The following PLPP7 variants were observed in gnomAD, a reference collection of about 807,000 sequenced individuals.
PLPP7 encodes inactive phospholipid phosphatase 7.
A neutral mutation model predicts 16.9 loss-of-function variants in PLPP7; 11 were observed. The ratio of observed to expected loss-of-function variants is 0.65; its 90% CI spans 0.41 to 1.08. PLPP7 has a LOEUF of 1.08. PLPP7 is among the 50% of genes least tolerant of loss of function. The pLI, the probability that PLPP7 is intolerant of heterozygous loss-of-function variation, is 0.00. For missense variants in PLPP7, 358 were observed against 397.1 expected (o/e 0.90, Z 0.84); for synonymous variants, 174 against 175.1 (o/e 0.99, Z 0.05).
In PLPP7 at chr9:131,308,507, G is replaced by T; in HGVS notation, c.*220G>T. ...GCCAGGCCTCTTGCCCCTTTGCTTG[G>T]ACTCCAAGTCTCCTCTCTAGGCAGC... On this transcript the variant is annotated 3_prime_UTR_variant, in exon 2 of 2. Transcript: ENST00000372264. 1 of 753,398 alleles carries T rather than the reference G, an allele frequency of 1.3e-6. No homozygotes were observed. The highest frequency in any genetic ancestry group is 2.1e-6 in the Non-Finnish European group (1 of 482,366). 46.7% of individuals were successfully genotyped at this position (753,398 alleles called of 1,614,324 possible). A position where few individuals can be genotyped will look rare whatever the true frequency, so the allele number is the denominator to read the frequency against.
Position 131,290,375 on chromosome 9 carries a change from C to A in PLPP7, c.378C>A (p.Ile126=). ...IGITGHGIPW[I]GGTILCLVKS... is the part of the protein sequence containing the mutation. ...TCACGGGCCACGGCATCCCCTGGAT[C>A]GGAGGCACCATCCTCTGCCTGGTGA... Residue 126 remains isoleucine (I), a synonymous_variant, in exon 1 of 2, where the codon ATC becomes ATA. Coordinates refer to ENST00000372264, the MANE Select transcript of PLPP7 (RefSeq NM_032728.4). The surrounding 1 kb of genome is among the most constrained non-coding windows in gnomAD (Gnocchi z 4.2). The A allele has an allele frequency of 6.2e-7, 1 of 1,604,492 alleles. No individual in the cohort carries two copies. Among genetic ancestry groups the A allele is most frequent in the Non-Finnish European group, 8.5e-7 (1 of 1,175,768 alleles).
chr9:131,308,376 C>T lies in PLPP7; in HGVS notation c.*89C>T. 1 of 1,454,006 alleles carries T rather than the reference C, an allele frequency of 6.9e-7. No individual in the cohort carries two copies. The highest frequency in any genetic ancestry group is 9.1e-7 in the Non-Finnish European group (1 of 1,104,928). The allele number at this position is 1,454,006 out of a possible 1,614,324, so 90.1% of individuals were successfully genotyped here. A position where few individuals can be genotyped will look rare whatever the true frequency, so the allele number is the denominator to read the frequency against. On this transcript the variant is annotated 3_prime_UTR_variant, in exon 2 of 2. Coordinates refer to ENST00000372264, the MANE Select transcript of PLPP7 (RefSeq NM_032728.4). ...GGCGAGGTGGCGGGCGTGGGTGGAA[C>T]AGAGCGGCCAGGAGTCAGAGCGGCC...
At chr9:131,292,834 A>C (rs1290670305) in intron 1 of PLPP7, 35 of 985,188 alleles carry the variant, frequency 3.6e-5, no homozygotes, top group Non-Finnish European at 4.1e-5. Flanking sequence ...ACATTGAAAA[A>C]TTTGCAACCT....
At chr9:131,293,385 A>C (rs1029785117) in intron 1 of PLPP7, among the ~76,000 whole-genome samples, 1 of 152,188 alleles carries the variant, frequency 6.6e-6, no homozygotes, top group Non-Finnish European at 1.5e-5. Context: ...GGCATTCAGC[A>C]TAGGCCACAG....
In PLPP7 at chr9:131,308,383, G is replaced by T. The variant is rs2131222823; in HGVS notation, c.*96G>T. ...TGGCGGGCGTGGGTGGAACAGAGCG[G>T]CCAGGAGTCAGAGCGGCCACCCCCA... On this transcript the variant is annotated 3_prime_UTR_variant, in exon 2 of 2. Transcript: ENST00000372264. 1 of 1,445,038 alleles carries T rather than the reference G, an allele frequency of 6.9e-7. No individual in the cohort carries two copies. 89.5% of individuals were successfully genotyped at this position (1,445,038 alleles called of 1,614,324 possible).
chr9:131,296,519 G>T (rs969593434), intron 1 of PLPP7, among the ~76,000 whole-genome samples: 2 of 152,188 alleles, frequency 1.3e-5, no homozygotes, highest in Admixed American at 6.5e-5. Flanking sequence ...TTCCCAAAGT[G>T]CTGGGATTAT....
intron 1 of PLPP7, among the ~76,000 whole-genome samples, chr9:131,293,710 G>A (rs994614260): frequency 1.3e-5 from 2 of 152,204 alleles, no homozygotes; most frequent in Admixed American, 1.3e-4. Flanking sequence ...GTACGCACAT[G>A]CTCAAGTCAG....
intron 1 of PLPP7, among the ~76,000 whole-genome samples, chr9:131,301,757 G>A (rs1204996310): frequency 6.6e-6 from 1 of 151,864 alleles, no homozygotes; most frequent in Non-Finnish European, 1.5e-5. Flanking sequence ...TTCCTCCTGG[G>A]ACCACCCTTG....
Position 131,302,836 on chromosome 9 carries a change from G to A in PLPP7, c.452-5087G>A, listed in dbSNP as rs148862115. On this transcript the variant is annotated intron_variant, in intron 1 of 1. Transcript: ENST00000372264. Reference sequence around the variant, plus strand: ...CAAGCAGCAACCCTGAAGTGGGCAGGAAAAGGGGAAGCCCTGAAGTTCTAG... The same window carrying A: ...CAAGCAGCAACCCTGAAGTGGGCAGAAAAAGGGGAAGCCCTGAAGTTCTAG... 1.9e-3 allele frequency among the ~76,000 whole-genome samples: 286 copies of A among 152,286 alleles called. No individual in the cohort carries two copies. The Middle Eastern group carries it at 0.024, about 13-fold the overall frequency.
intron 1 of PLPP7, among the ~76,000 whole-genome samples, chr9:131,300,299 TTTA>T (rs1489506920): frequency 2.0e-5 from 3 of 152,218 alleles, no homozygotes; most frequent in African/African-American, 7.2e-5. Flanking sequence ...CTATCATCTT[TTTA>T]TTTTATTTTA....
Position 131,290,422 on chromosome 9 carries a change from A to C in PLPP7, c.425A>C (p.Gln142Pro), listed in dbSNP as rs751448521. The C allele has an allele frequency of 2.8e-5, 43 of 1,546,006 alleles. No individual in the cohort carries two copies. The highest frequency in any genetic ancestry group is 3.6e-5 in the Non-Finnish European group (41 of 1,145,424). ...GTGAAGAGCAGCACACTGGCCGGCC[A>C]GGAGGTGCTCATGAATCTGCTCCTG... ...CLVKSSTLAG[Q>P]EVLMNLLLAL... Residue 142 changes from glutamine to proline, a missense_variant, in exon 1 of 2, where the codon CAG becomes CCG. Physicochemically the swap from Gln to Pro is moderately conservative, Grantham distance 76 (BLOSUM62 -1). Coordinates refer to ENST00000372264, the MANE Select transcript of PLPP7 (RefSeq NM_032728.4). This position sits in a 1 kb window ranked among gnomAD's most constrained non-coding sequence, Gnocchi z 4.2.
chr9:131,293,850 G>A (rs1245214880), intron 1 of PLPP7, among the ~76,000 whole-genome samples: 2 of 152,152 alleles, frequency 1.3e-5, no homozygotes, highest in Admixed American at 1.3e-4. Flanking sequence ...CAATACTGAA[G>A]GGGGAGGGAG....
At chr9:131,306,414 C>T (rs917385829) in intron 1 of PLPP7, among the ~76,000 whole-genome samples, 11 of 151,784 alleles carry the variant, frequency 7.2e-5, no homozygotes, top group Admixed American at 2.0e-4. Flanking sequence ...AGGCAGCGTG[C>T]GCCTGTAATC....
intron 1 of PLPP7, among the ~76,000 whole-genome samples, chr9:131,300,876 A>T (rs1240582929): frequency 2.6e-5 from 4 of 151,898 alleles, no homozygotes; most frequent in Non-Finnish European, 2.9e-5. Flanking sequence ...TGACTTAGTA[A>T]AGTCAGCCTT....
intron 1 of PLPP7, among the ~76,000 whole-genome samples, chr9:131,302,651 C>T (rs1208059332): frequency 6.6e-6 from 1 of 152,210 alleles, no homozygotes; most frequent in South Asian, 2.1e-4. Context: ...GCCTTCAGGC[C>T]CCGCCCTCCT....
Position 131,289,966 on chromosome 9 carries a change from G to C in PLPP7, c.-32G>C, listed in dbSNP as rs756604638. The C allele has an allele frequency of 3.3e-5, 46 of 1,396,724 alleles. 1 individual carries two copies. The South Asian group carries it at 8.2e-4, about 25-fold the overall frequency. The allele number at this position is 1,396,724 out of a possible 1,614,324, so 86.5% of individuals were successfully genotyped here. A position where few individuals can be genotyped will look rare whatever the true frequency, so the allele number is the denominator to read the frequency against. On this transcript the variant is annotated 5_prime_UTR_variant, in exon 1 of 2. Transcript: ENST00000372264. ...GGAGAAGGCCCTTGGAGCCGGGCTGGCATCGGCCTTCTCGGGGTGAGCGAG... is the reference window on the plus strand; with the variant it reads ...GGAGAAGGCCCTTGGAGCCGGGCTGCCATCGGCCTTCTCGGGGTGAGCGAG...
In PLPP7 at chr9:131,308,588, A is replaced by C; in HGVS notation, c.*301A>C. 1 of 407,934 alleles carries C rather than the reference A, an allele frequency of 2.5e-6. No individual in the cohort carries two copies. Among genetic ancestry groups the C allele is most frequent in the Non-Finnish European group, 4.5e-6 (1 of 222,564 alleles). 25.3% of individuals were successfully genotyped at this position (407,934 alleles called of 1,614,324 possible). A position where few individuals can be genotyped will look rare whatever the true frequency, so the allele number is the denominator to read the frequency against. ...AGCTTCTGCTCTGGGAACAGCAAAA[A>C]TCAGGATGGTGGGAGGGGCCGAGTC... is the stretch of plus-strand genomic sequence containing the variant. On this transcript the variant is annotated 3_prime_UTR_variant, in exon 2 of 2. Coordinates refer to ENST00000372264, the MANE Select transcript of PLPP7 (RefSeq NM_032728.4).
chr9:131,297,066 A>C (rs1164626400), intron 1 of PLPP7, among the ~76,000 whole-genome samples: 2 of 152,216 alleles, frequency 1.3e-5, no homozygotes, highest in Non-Finnish European at 2.9e-5. Flanking sequence ...AGTGGGCCTC[A>C]GTGCAACAGT....
intron 1 of PLPP7, among the ~76,000 whole-genome samples, chr9:131,300,358 C>T (rs2478860): frequency 0.67 from 101,803 of 151,878 alleles, 35,037 homozygotes; most frequent in Middle Eastern, 0.78. Context: ...AGTCTGTATG[C>T]TTTCATCGGG....
Sources: allele counts gnomAD v4.1 joint callset (sites outside exome capture counted in the v4.1 genomes callset), GRCh38; gene constraint gnomAD v4.1.1; non-coding constraint Gnocchi (gnomAD v3.1); transcripts MANE v1.5; gene names NCBI Gene and HGNC (gene_info 2026-07-23, HGNC 2026-07-21).